Variants in RFX3 observed in about 807,000 individuals in gnomAD.
RFX3 encodes the protein transcription factor RFX3.
In RFX3, 14 loss-of-function variants were observed where a neutral mutation model predicts 98.6. That is an observed-to-expected ratio of 0.14 (90% CI 0.09 to 0.22). The LOEUF (loss-of-function observed/expected upper bound fraction) is 0.22, where lower values mean the gene tolerates loss of function less well. Among genes scored for constraint, RFX3 ranks in the 10% least tolerant of loss-of-function variants. RFX3 has a pLI of 1.00. For missense variants in RFX3, 639 were observed against 926.9 expected (o/e 0.69, Z 4.03); for synonymous variants, 383 against 328.4 (o/e 1.17, Z -1.80).
intron 1 of RFX3, among the ~76,000 whole-genome samples, chr9:3,518,387 C>T (rs935484518): frequency 1.5e-4 from 23 of 152,134 alleles, no homozygotes; most frequent in African/African-American, 5.3e-4. Flanking sequence ...TATGTTGGGG[C>T]TAATTATCTA....
intron 2 of RFX3, among the ~76,000 whole-genome samples, chr9:3,351,578 T>C (rs78539386): frequency 0.092 from 13,919 of 151,824 alleles, 945 homozygotes; most frequent in African/African-American, 0.19. Context: ...ACGTACTTAA[T>C]AAGGTATAGT....
chr9:3,365,797 T>C (rs993157287), intron 2 of RFX3, among the ~76,000 whole-genome samples: 2 of 152,146 alleles, frequency 1.3e-5, no homozygotes, highest in African/African-American at 4.8e-5. Flanking sequence ...TATACAATCC[T>C]CCAACCCCCT....
At chr9:3,416,560 CA>C (rs1842999970) in intron 1 of RFX3, among the ~76,000 whole-genome samples, 1 of 152,152 alleles carries the variant, frequency 6.6e-6, no homozygotes, top group Middle Eastern at 3.2e-3. Context: ...CCCATATGTA[CA>C]CCCAATATGA....
At chr9:3,290,698 A>G (rs978479512) in intron 6 of RFX3, among the ~76,000 whole-genome samples, 2 of 152,214 alleles carry the variant, frequency 1.3e-5, no homozygotes, top group African/African-American at 4.8e-5. Context: ...AAAGAAGGAA[A>G]CATATTTATG....
chr9:3,291,207 A>C (rs537106691), intron 6 of RFX3, among the ~76,000 whole-genome samples: 11 of 152,096 alleles, frequency 7.2e-5, no homozygotes, highest in African/African-American at 2.7e-4. Context: ...TCTACTAAAA[A>C]CACAAAAATT....
In RFX3 at chr9:3,301,600, C is replaced by T. The variant is rs142527085; in HGVS notation, c.495G>A (p.Thr165=). Residue 165 remains threonine, a synonymous_variant, in exon 5 of 17, where the codon ACG becomes ACA. Coordinates refer to ENST00000617270, the MANE Select transcript of RFX3 (RefSeq NM_001282116.2). ...SPATIEMAIE[T]LQKSDGLSTH... ...TGGACAGACCGTCAGACTTTTGCAGCGTCTCAATCGCCATTTCAATCTGAT... is the reference window on the plus strand; with the variant it reads ...TGGACAGACCGTCAGACTTTTGCAGTGTCTCAATCGCCATTTCAATCTGAT... 487 of 1,600,670 alleles carry T rather than the reference C, an allele frequency of 3.0e-4. 5 individuals carry two copies. In the East Asian group the frequency reaches 8.7e-3, roughly 29 times the overall value.
intron 1 of RFX3, among the ~76,000 whole-genome samples, chr9:3,459,600 T>C (rs1178617156): frequency 6.6e-6 from 1 of 152,156 alleles, no homozygotes; most frequent in African/African-American, 2.4e-5. Context: ...ACATAATACA[T>C]AACAATACTT....
Position 3,440,029 on chromosome 9 carries a change from C to T in RFX3, c.-8-44433G>A, listed in dbSNP as rs370820922. On this transcript the variant is annotated intron_variant, in intron 1 of 16. Coordinates refer to ENST00000617270, the MANE Select transcript of RFX3 (RefSeq NM_001282116.2). Reference sequence around the variant, plus strand: ...AAAACTTAACAATCATCTAAATAGGCACCTAAAAGTATTTAACAAATTCTA... The same window carrying T: ...AAAACTTAACAATCATCTAAATAGGTACCTAAAAGTATTTAACAAATTCTA... Among the ~76,000 whole-genome samples the T allele has an allele frequency of 1.7e-3, 262 of 152,072 alleles. 1 individual carries two copies. The highest frequency in any genetic ancestry group is 6.1e-3 in the African/African-American group (254 of 41,524).
At chr9:3,251,431 T>C (rs1025858609) in intron 14 of RFX3, among the ~76,000 whole-genome samples, 1 of 152,126 alleles carries the variant, frequency 6.6e-6, no homozygotes, top group East Asian at 1.9e-4. Flanking sequence ...CACTGCAGCA[T>C]TGAACTCCTG....
intron 4 of RFX3, among the ~76,000 whole-genome samples, chr9:3,328,431 G>C (rs1175004632): frequency 6.6e-6 from 1 of 152,064 alleles, no homozygotes; most frequent in Non-Finnish European, 1.5e-5. Context: ...GGGGAACTGA[G>C]ATCCAGAAAA....
chr9:3,369,246 G>A (rs994428101), intron 2 of RFX3, among the ~76,000 whole-genome samples: 1 of 152,216 alleles, frequency 6.6e-6, no homozygotes, highest in Non-Finnish European at 1.5e-5. Flanking sequence ...GATCAAGGCA[G>A]ATTCAACGTT....
chr9:3,524,653 CAA>C (rs1163936854), intron 1 of RFX3: 2 of 981,922 alleles, frequency 2.0e-6, no homozygotes, highest in Non-Finnish European at 2.4e-6. Flanking sequence ...CTGTTCATCA[CAA>C]AGTCTCATAA....
chr9:3,422,145 G>A (rs1328008258), intron 1 of RFX3, among the ~76,000 whole-genome samples: 1 of 152,142 alleles, frequency 6.6e-6, no homozygotes, highest in East Asian at 1.9e-4. Flanking sequence ...TGAACCCATG[G>A]GATTTACCTC....
chr9:3,241,454 A>G (rs936244170), intron 15 of RFX3, among the ~76,000 whole-genome samples: 3 of 152,200 alleles, frequency 2.0e-5, no homozygotes. Flanking sequence ...AAAGCCACGC[A>G]TAGGAAGCTA....
chr9:3,421,231 A>G (rs1379326885), intron 1 of RFX3, among the ~76,000 whole-genome samples: 2 of 152,128 alleles, frequency 1.3e-5, no homozygotes, highest in African/African-American at 4.8e-5. Flanking sequence ...GGTTTACAGT[A>G]CGTTCTGAAC....
rs147105376 is a variant in RFX3 at position 3,238,061 on chromosome 9, C to T, written c.1969-9172G>A. Reference sequence around the variant, plus strand: ...CAATATATGAACAGACAGTTCACAACGTGAGGACTGAATTTGTTCGTGTTT... The same window carrying T: ...CAATATATGAACAGACAGTTCACAATGTGAGGACTGAATTTGTTCGTGTTT... On this transcript the variant is annotated intron_variant, in intron 15 of 16. Coordinates refer to ENST00000617270, the MANE Select transcript of RFX3 (RefSeq NM_001282116.2). Among the ~76,000 whole-genome samples the T allele has an allele frequency of 2.5e-3, 382 of 152,118 alleles. 3 individuals are homozygous for T. The highest frequency in any genetic ancestry group is 8.9e-3 in the African/African-American group (369 of 41,474).
At chr9:3,503,564 T>C (rs1422624884) in intron 1 of RFX3, among the ~76,000 whole-genome samples, 1 of 152,070 alleles carries the variant, frequency 6.6e-6, no homozygotes, top group African/African-American at 2.4e-5. Flanking sequence ...GAAAATATGG[T>C]TGTGACACTA....
At chr9:3,503,776 C>A (rs1816306638) in intron 1 of RFX3, among the ~76,000 whole-genome samples, 1 of 151,976 alleles carries the variant, frequency 6.6e-6, no homozygotes, top group Admixed American at 6.6e-5. Flanking sequence ...GATAGCTATG[C>A]TATATAAACA....
chr9:3,240,675 TAAAG>T (rs1431058798), intron 15 of RFX3, among the ~76,000 whole-genome samples: 1 of 152,152 alleles, frequency 6.6e-6, no homozygotes, highest in East Asian at 1.9e-4. Context: ...AAGGATGGTA[TAAAG>T]AAAGAAAACA....
Sources: gnomAD v4.1 joint callset for allele counts (sites outside exome capture counted in the v4.1 genomes callset) on GRCh38, gnomAD v4.1.1 for gene constraint, MANE v1.5 for transcripts, NCBI Gene and HGNC (gene_info 2026-07-23, HGNC 2026-07-21) for gene names.